The following STON2 variants were observed in gnomAD, a reference collection of about 807,000 sequenced individuals.
STON2 encodes the protein stonin 2.
Under a neutral mutation model 65.7 loss-of-function variants are expected in STON2, and 29 were observed. That is an observed-to-expected ratio of 0.44 (90% CI 0.33 to 0.60). STON2 has a LOEUF of 0.60. Ranked by LOEUF, STON2 falls within the 20% of genes least tolerant of loss-of-function variation. The probability of loss-of-function intolerance (pLI) is 0.03; values close to 1 mark genes in which losing one functional copy is unlikely to be tolerated. For missense variants in STON2, 1,054 were observed against 1,118.1 expected (o/e 0.94, Z 0.82); for synonymous variants, 404 against 414.2 (o/e 0.98, Z 0.30).
chr14:81,317,220 G>A (rs1896657931), intron 5 of STON2, among the ~76,000 whole-genome samples: 1 of 152,096 alleles, frequency 6.6e-6, no homozygotes, highest in African/African-American at 2.4e-5. Flanking sequence ...ACCAGCTGTT[G>A]AGTGAACAAA....
At chr14:81,428,330 G>A (rs1210698773) in intron 1 of STON2, among the ~76,000 whole-genome samples, 2 of 152,150 alleles carry the variant, frequency 1.3e-5, no homozygotes, top group Admixed American at 6.6e-5. Context: ...CATAATAGAC[G>A]ACATTTAAAC....
intron 2 of STON2, among the ~76,000 whole-genome samples, chr14:81,426,802 G>A (rs941583465): frequency 6.6e-6 from 1 of 152,088 alleles, no homozygotes; most frequent in Non-Finnish European, 1.5e-5. Context: ...AGTTTCCCTA[G>A]GACATTTTAT....
At chr14:81,362,063 A>G (rs1898517733) in intron 4 of STON2, among the ~76,000 whole-genome samples, 1 of 152,178 alleles carries the variant, frequency 6.6e-6, no homozygotes, top group African/African-American at 2.4e-5. Flanking sequence ...TAGTACAGCC[A>G]TTATGAAAAA....
chr14:81,277,815 A>G lies in STON2; in HGVS notation c.1667T>C (p.Leu556Ser). ...TTTATAGGTGACACGGTCTATCCGC[A>G]AGCTGTGGATTCTGCCATTCTCATC... is the stretch of plus-strand genomic sequence containing the variant. ...NYDENGRIHSLRIDRVTYKEK... is the reference protein window; with the variant it reads ...NYDENGRIHSSRIDRVTYKEK... The change falls in exon 6 of 8, where the codon TTG becomes TCG. Residue 556 changes from leucine (L) to serine (S), a missense_variant. By Grantham distance (145) the Leu-to-Ser change is moderately radical. Transcript: ENST00000614646. 1 of 1,614,110 alleles carries G rather than the reference A, an allele frequency of 6.2e-7. No individual in the cohort carries two copies. The highest frequency in any genetic ancestry group is 8.5e-7 in the Non-Finnish European group (1 of 1,180,006).
chr14:81,355,460 G>C (rs796722998), intron 4 of STON2, among the ~76,000 whole-genome samples: 71 of 152,244 alleles, frequency 4.7e-4, no homozygotes, highest in African/African-American at 1.6e-3. Flanking sequence ...AGCAGAAACT[G>C]TAGGTCTGGA....
intron 4 of STON2, among the ~76,000 whole-genome samples, chr14:81,340,141 G>A (rs772077075): frequency 2.2e-4 from 34 of 152,190 alleles, no homozygotes; most frequent in African/African-American, 3.9e-4. Flanking sequence ...GCGACAGAGC[G>A]AGACTCCGTC....
rs372315494 is a variant in STON2, at chr14:81,371,114, C to T, written c.445G>A (p.Glu149Lys). The T allele has an allele frequency of 4.2e-5, 67 of 1,613,996 alleles. No homozygotes were observed. In the Middle Eastern group the frequency reaches 8.3e-4, roughly 20 times the overall value. Reference protein sequence around the residue: ...DSLGRCPLTSESSWTTHSEDT... With the variant: ...DSLGRCPLTSKSSWTTHSEDT... Reference sequence around the variant, plus strand: ...TCAGAATGGGTGGTCCAGCTGCTCTCAGAAGTCAGAGGGCATCTCCCCAGG... The same window carrying T: ...TCAGAATGGGTGGTCCAGCTGCTCTTAGAAGTCAGAGGGCATCTCCCCAGG... Residue 149 changes from glutamate (E) to lysine (K), a missense_variant, in exon 4 of 8, where the codon GAG (glutamate) becomes AAG (lysine). Physicochemically the swap from Glu to Lys is moderately conservative, Grantham distance 56. Coordinates refer to ENST00000614646, the MANE Select transcript of STON2 (RefSeq NM_001394390.1).
intron 4 of STON2, among the ~76,000 whole-genome samples, chr14:81,366,586 A>G (rs1268857790): frequency 1.3e-5 from 2 of 151,920 alleles, no homozygotes; most frequent in Non-Finnish European, 1.5e-5. Flanking sequence ...TGGGGGGGCA[A>G]TGACAAACAT....
chr14:81,421,486 C>T (rs575806116), intron 2 of STON2, among the ~76,000 whole-genome samples: 5 of 152,044 alleles, frequency 3.3e-5, no homozygotes, highest in African/African-American at 7.2e-5. Flanking sequence ...GAGAGATCAA[C>T]CAGAGAGTGA....
At chr14:81,330,532 A>G (rs1897173670) in intron 4 of STON2, among the ~76,000 whole-genome samples, 1 of 152,292 alleles carries the variant, frequency 6.6e-6, no homozygotes, top group Admixed American at 6.5e-5. Context: ...GAAGTGGGAA[A>G]AGCTGTCACA....
At chr14:81,286,824 A>G (rs758978264) in intron 5 of STON2, among the ~76,000 whole-genome samples, 9 of 152,228 alleles carry the variant, frequency 5.9e-5, no homozygotes, top group Non-Finnish European at 1.2e-4. Context: ...TCTTCATTTT[A>G]CAGAGAAGCC....
At chr14:81,343,167 C>T (rs577141038) in intron 4 of STON2, among the ~76,000 whole-genome samples, 5 of 152,268 alleles carry the variant, frequency 3.3e-5, no homozygotes, top group Non-Finnish European at 7.4e-5. Context: ...TGACACAGTG[C>T]CTTGCAAATA....
chr14:81,353,484 G>GA (rs993962984), intron 4 of STON2, among the ~76,000 whole-genome samples: 2 of 151,990 alleles, frequency 1.3e-5, no homozygotes, highest in Non-Finnish European at 2.9e-5. Context: ...CCACAAATTG[G>GA]AAAAAATCTC....
chr14:81,322,282 A>G (rs752657944), intron 5 of STON2, among the ~76,000 whole-genome samples: 1 of 152,184 alleles, frequency 6.6e-6, no homozygotes, highest in Non-Finnish European at 1.5e-5. Context: ...CAATGTACAA[A>G]TGCCTATGAG....
At chr14:81,427,688 A>G (rs1218665397) in intron 1 of STON2, among the ~76,000 whole-genome samples, 6 of 152,026 alleles carry the variant, frequency 3.9e-5, no homozygotes, top group Non-Finnish European at 7.4e-5. Context: ...TTTAGAGATC[A>G]TAACAAAAAG....
intron 4 of STON2, among the ~76,000 whole-genome samples, chr14:81,355,979 T>C (rs1202909804): frequency 5.3e-5 from 8 of 152,110 alleles, no homozygotes; most frequent in South Asian, 4.1e-4. Context: ...TTCCTCTTTT[T>C]CTAATTGAAT....
chr14:81,342,178 T>A (rs1277092667), intron 4 of STON2, among the ~76,000 whole-genome samples: 2 of 152,090 alleles, frequency 1.3e-5, no homozygotes, highest in African/African-American at 4.8e-5. Context: ...TTCACTCTTG[T>A]TGCCCGGGTG....
chr14:81,317,820 C>G (rs1896681152), intron 5 of STON2, among the ~76,000 whole-genome samples: 1 of 152,154 alleles, frequency 6.6e-6, no homozygotes, highest in East Asian at 1.9e-4. Flanking sequence ...GATAACCAAG[C>G]CCAGTAACCC....
intron 5 of STON2, among the ~76,000 whole-genome samples, chr14:81,282,495 T>TA (rs1239315926): frequency 6.6e-6 from 1 of 152,178 alleles, no homozygotes; most frequent in African/African-American, 2.4e-5. Flanking sequence ...ATGTAGGCTG[T>TA]TCTTAGTACT....
Sources: allele counts gnomAD v4.1 joint callset (sites outside exome capture counted in the v4.1 genomes callset), GRCh38; gene constraint gnomAD v4.1.1; transcripts MANE v1.5; gene names NCBI Gene and HGNC (gene_info 2026-07-23, HGNC 2026-07-21).